The following CNTNAP2 variants were observed in gnomAD, a reference collection of about 807,000 sequenced individuals.
CNTNAP2 encodes the protein contactin associated protein 2.
In CNTNAP2, 98 loss-of-function variants were observed where a neutral mutation model predicts 155.2. The ratio of observed to expected loss-of-function variants is 0.63; its 90% CI spans 0.54 to 0.75. The LOEUF is 0.75. CNTNAP2 is among the 30% of genes least tolerant of loss of function. The pLI is 0.00. For synonymous variants in CNTNAP2, 651 were observed against 631.2 expected, an observed-to-expected ratio of 1.03 and a Z score of -0.47; for missense variants, 1,727 against 1,688.1, an observed-to-expected ratio of 1.02 and a Z score of -0.40.
intron 8 of CNTNAP2, among the ~76,000 whole-genome samples, chr7:147,190,497 G>A (rs914608239): frequency 6.6e-6 from 1 of 152,162 alleles, no homozygotes; most frequent in African/African-American, 2.4e-5. Flanking sequence ...GAATGTCAGA[G>A]TAAGAAATTT....
At chr7:147,517,679 G>C (rs2116700926) in intron 11 of CNTNAP2, among the ~76,000 whole-genome samples, 1 of 152,260 alleles carries the variant, frequency 6.6e-6, no homozygotes, top group African/African-American at 2.4e-5. Flanking sequence ...CAAAGTAAGG[G>C]ATACTCTGTC....
chr7:146,325,544 C>G (rs1465818586), intron 1 of CNTNAP2, among the ~76,000 whole-genome samples: 1 of 151,830 alleles, frequency 6.6e-6, no homozygotes, highest in Non-Finnish European at 1.5e-5. Context: ...TATTTAGAAT[C>G]TCAGTTGAAA....
chr7:146,404,124 CAAA>C (rs1163559597), intron 1 of CNTNAP2, among the ~76,000 whole-genome samples: 2 of 72,762 alleles, frequency 2.7e-5, no homozygotes, highest in Non-Finnish European at 2.5e-5. Context: ...GACTCCGTCT[CAAA>C]AAAAAAAAAA....
intron 1 of CNTNAP2, among the ~76,000 whole-genome samples, chr7:146,546,917 G>A (rs1354943791): frequency 6.6e-6 from 1 of 151,970 alleles, no homozygotes; most frequent in African/African-American, 2.4e-5. Flanking sequence ...AATTCAAGAT[G>A]AAATTTGGGT....
chr7:146,905,297 C>A (rs1250109768), intron 3 of CNTNAP2, among the ~76,000 whole-genome samples: 1 of 152,042 alleles, frequency 6.6e-6, no homozygotes, highest in Admixed American at 6.6e-5. Flanking sequence ...ATTTGGCCTT[C>A]ACCTACCACA....
chr7:147,607,412 C>T (rs1300477276), intron 12 of CNTNAP2, among the ~76,000 whole-genome samples: 2 of 148,952 alleles, frequency 1.3e-5, no homozygotes, highest in Non-Finnish European at 3.0e-5. Context: ...CTCTTCCTTT[C>T]TCTCTCTCTC....
chr7:146,656,457 T>TTCAAATCA (rs952907237), intron 1 of CNTNAP2, among the ~76,000 whole-genome samples: 1 of 152,210 alleles, frequency 6.6e-6, no homozygotes, highest in Non-Finnish European at 1.5e-5. Context: ...CACTGATCCA[T>TTCAAATCA]GTCAAATTCA....
intron 10 of CNTNAP2, among the ~76,000 whole-genome samples, chr7:147,434,320 C>T (rs1797515208): frequency 6.6e-6 from 1 of 152,166 alleles, no homozygotes; most frequent in African/African-American, 2.4e-5. Flanking sequence ...TGTGACCACT[C>T]AAAAACCCTA....
intron 1 of CNTNAP2, 133 bp downstream of exon 1, chr7:146,117,106 T>G: frequency 1.3e-6 from 1 of 748,890 alleles, no homozygotes; most frequent in South Asian, 1.6e-5. Context: ...TGTCACACAC[T>G]TGCAGCCACT....
At position 146,191,384 on chromosome 7, in the gene CNTNAP2, AGGCAAATGGG is replaced by A. The variant is rs1798702841; in HGVS notation, c.97+74413_97+74422del. Among the ~76,000 whole-genome samples the A allele has an allele frequency of 2.0e-5, 3 of 152,324 alleles. No individual in the cohort carries two copies. The South Asian group carries it at 6.2e-4, about 32-fold the overall frequency. ...CTTCACAAGGCAATAAAATATCACA[AGGCAAATGGG>A]GACAGAGCGAGATCAGAGGACCGTG... On this transcript the variant is annotated intron_variant, in intron 1 of 23. Transcript: ENST00000361727.
At chr7:148,236,203 A>G (rs182852274) in intron 20 of CNTNAP2, among the ~76,000 whole-genome samples, 509 of 152,262 alleles carry the variant, frequency 3.3e-3, no homozygotes, top group South Asian at 0.012. Flanking sequence ...GACTTACTCA[A>G]TCATTTGCCT....
At chr7:146,855,815 A>G (rs1344819654) in intron 3 of CNTNAP2, among the ~76,000 whole-genome samples, 36 of 31,406 alleles carry the variant, frequency 1.1e-3, no homozygotes, top group African/African-American at 7.4e-3. Flanking sequence ...GAGTATATAT[A>G]TATATATATA....
chr7:148,211,940 T>C (rs1348193841), intron 18 of CNTNAP2, among the ~76,000 whole-genome samples: 1 of 152,234 alleles, frequency 6.6e-6, no homozygotes, highest in Non-Finnish European at 1.5e-5. Context: ...CTTTCAATTC[T>C]GAGTCCTGAT....
At chr7:148,318,610 A>G (rs1210280969) in intron 21 of CNTNAP2, among the ~76,000 whole-genome samples, 1 of 152,202 alleles carries the variant, frequency 6.6e-6, no homozygotes, top group African/African-American at 2.4e-5. Context: ...CCTACCCAAA[A>G]GCATTCAAAT....
intron 1 of CNTNAP2, among the ~76,000 whole-genome samples, chr7:146,489,786 G>A (rs888797111): frequency 3.3e-5 from 5 of 151,990 alleles, no homozygotes; most frequent in South Asian, 2.1e-4. Context: ...GAGAAGGCAC[G>A]TGGGGGTGGT....
intron 15 of CNTNAP2, among the ~76,000 whole-genome samples, chr7:148,075,622 A>G (rs114339612): frequency 0.019 from 2,880 of 152,258 alleles, 85 homozygotes; most frequent in African/African-American, 0.066. Context: ...AGCCTCAGCA[A>G]CAACAACAAA....
At chr7:146,165,229 G>T (rs897547958) in intron 1 of CNTNAP2, among the ~76,000 whole-genome samples, 7 of 152,028 alleles carry the variant, frequency 4.6e-5, no homozygotes, top group African/African-American at 1.7e-4. Flanking sequence ...GTAAAGTACA[G>T]AAGGCACGCT....
chr7:148,239,607 CT>C (rs1201196504), intron 20 of CNTNAP2, among the ~76,000 whole-genome samples: 1 of 152,178 alleles, frequency 6.6e-6, no homozygotes, highest in African/African-American at 2.4e-5. Context: ...TCCTCGGCCC[CT>C]GAGAAAGTAT....
chr7:146,812,047 G>A (rs1803075571), intron 2 of CNTNAP2, among the ~76,000 whole-genome samples: 1 of 152,062 alleles, frequency 6.6e-6, no homozygotes, highest in African/African-American at 2.4e-5. Context: ...GACTAATACA[G>A]TAAATTGGTA....
Sources: gnomAD v4.1 joint callset for allele counts (sites outside exome capture counted in the v4.1 genomes callset) on GRCh38, gnomAD v4.1.1 for gene constraint, MANE v1.5 for transcripts, NCBI Gene and HGNC (gene_info 2026-07-23, HGNC 2026-07-21) for gene names.